TRIM67: variants seen among roughly 807,000 people sequenced by gnomAD.
TRIM67 encodes tripartite motif containing 67.
TRIM67 carries 39 observed loss-of-function variants against 71.0 expected under a neutral mutation model. The observed-to-expected ratio is 0.55, with a 90% confidence interval of 0.43 to 0.72. The LOEUF (loss-of-function observed/expected upper bound fraction) is 0.72. Among genes scored for constraint, TRIM67 ranks in the 30% least tolerant of loss-of-function variants. The pLI, the probability that TRIM67 is intolerant of heterozygous loss-of-function variation, is 0.00. For synonymous variants in TRIM67, 481 were observed against 473.9 expected (o/e 1.01, Z -0.19); for missense variants, 973 against 1,079.2 (o/e 0.90, Z 1.38).
intron 1 of TRIM67, among the ~76,000 whole-genome samples, chr1:231,168,010 G>A (rs1482657586): frequency 1.3e-5 from 2 of 151,722 alleles, no homozygotes; most frequent in Admixed American, 6.6e-5. Flanking sequence ...TGCCCAGACT[G>A]GAGTGCAGTG....
intron 1 of TRIM67, among the ~76,000 whole-genome samples, chr1:231,166,739 T>C (rs569875818): frequency 6.6e-6 from 1 of 152,348 alleles, no homozygotes; most frequent in Non-Finnish European, 1.5e-5. Flanking sequence ...GAGACATATA[T>C]GTGACACTGA....
At chr1:231,169,175 T>G in intron 1 of TRIM67, among the ~76,000 whole-genome samples, 1 of 152,046 alleles carries the variant, frequency 6.6e-6, no homozygotes, top group East Asian at 1.9e-4. Context: ...TGCCTCAGCC[T>G]CCCGAGTAGC....
chr1:231,188,066 A>G (rs1050534011), intron 1 of TRIM67, among the ~76,000 whole-genome samples: 8 of 152,074 alleles, frequency 5.3e-5, no homozygotes, highest in African/African-American at 1.5e-4. Context: ...TCTTTGTGAG[A>G]GCGTGATCTA....
intron 9 of TRIM67, 25 bp downstream of exon 9, chr1:231,214,002 C>G (rs1683942018): frequency 2.5e-6 from 4 of 1,582,082 alleles, no homozygotes; most frequent in Non-Finnish European, 3.4e-6. Context: ...AGGGCCGGAC[C>G]TGGTCTGGCT....
chr1:231,215,702 A>G lies in TRIM67; in HGVS notation c.*262A>G. The G allele has an allele frequency of 8.1e-7, 1 of 1,232,554 alleles. No homozygotes were observed. The allele number at this position is 1,232,554 out of a possible 1,614,324, so 76.4% of individuals were successfully genotyped here. ...CACCCAGACATTACGAACACTCCCC[A>G]AGAAGGACCTTTCTCAAGGGAGTCA... On this transcript the variant is annotated 3_prime_UTR_variant, in exon 10 of 10. Transcript: ENST00000366653.
chr1:231,203,853 T>A lies in TRIM67; in HGVS notation c.1535-14T>A, dbSNP rs1683619401. 6.2e-7 allele frequency: 1 copy of A among 1,610,956 alleles called. No homozygotes were observed. Among genetic ancestry groups the A allele is most frequent in the Non-Finnish European group, 8.5e-7 (1 of 1,178,824 alleles). ...AGGGCTTCCTGCGCTAACTCATGTG[T>A]GTCCCCCTCGCAGTGCCACCCGTCC... On this transcript the variant is annotated splice_polypyrimidine_tract_variant and intron_variant, in intron 5 of 9. Transcript: ENST00000366653.
In TRIM67 at chr1:231,185,598, G is replaced by A. The variant is rs373244155; in HGVS notation, c.1045-11773G>A. On this transcript the variant is annotated intron_variant, in intron 1 of 9. Coordinates refer to ENST00000366653, the MANE Select transcript of TRIM67 (RefSeq NM_001004342.5). ...CCTTTGCCTAGGGGAGCCCAGACGC[G>A]TCCTGCCCTTTTGCAGCTCCCCAGA... is the stretch of plus-strand genomic sequence containing the variant. Among the ~76,000 whole-genome samples, 27 of 151,834 alleles carry A rather than the reference G, an allele frequency of 1.8e-4. 2 individuals are homozygous for A. The highest frequency in any genetic ancestry group is 5.1e-4 in the African/African-American group (21 of 41,128).
At chr1:231,202,039 T>TAGCGGAGAA (rs1683539727) in intron 5 of TRIM67, among the ~76,000 whole-genome samples, 5 of 48,564 alleles carry the variant, frequency 1.0e-4, no homozygotes, top group Non-Finnish European at 1.3e-4. Flanking sequence ...GAGGAGGAGG[T>TAGCGGAGAA]GGAGGAGGTA....
chr1:231,193,466 TAAAAAA>T (rs1052913230), intron 1 of TRIM67, among the ~76,000 whole-genome samples: 2 of 120,642 alleles, frequency 1.7e-5, no homozygotes, highest in African/African-American at 3.0e-5. Context: ...TTAATTCCCT[TAAAAAA>T]AAAGAAAGAG....
intron 1 of TRIM67, among the ~76,000 whole-genome samples, chr1:231,194,305 G>T (rs1683310536): frequency 6.6e-6 from 1 of 152,240 alleles, no homozygotes; most frequent in African/African-American, 2.4e-5. Context: ...GCCTGTGAAT[G>T]ATGCTGACCC....
chr1:231,185,082 A>C (rs891416949), intron 1 of TRIM67: 2 of 1,532,940 alleles, frequency 1.3e-6, no homozygotes. Context: ...TCCAGAGAGC[A>C]GGGCACTTCG....
chr1:231,189,827 G>A (rs146355763), intron 1 of TRIM67, among the ~76,000 whole-genome samples: 5 of 152,222 alleles, frequency 3.3e-5, no homozygotes, highest in African/African-American at 9.6e-5. Flanking sequence ...GAATCTGGGG[G>A]AGATGCAAGC....
intron 5 of TRIM67, among the ~76,000 whole-genome samples, chr1:231,202,035 G>T (rs1683539321): frequency 2.0e-5 from 3 of 152,368 alleles, no homozygotes; most frequent in African/African-American, 7.2e-5. Flanking sequence ...AGAGGAGGAG[G>T]AGGTGGAGGA....
In TRIM67 at chr1:231,220,021, C is replaced by T; in HGVS notation, c.*4581C>T. The stretch of plus-strand genomic sequence containing the variant: ...CTTATCCTTTCTGTGCCTCAGTATC[C>T]CCACCTGAAATGAGACTAGTCATAC... On this transcript the variant is annotated 3_prime_UTR_variant, in exon 10 of 10. Transcript: ENST00000366653. 1 of 1,187,544 alleles carries T rather than the reference C, an allele frequency of 8.4e-7. No homozygotes were observed. The highest frequency in any genetic ancestry group is 1.1e-6 in the Non-Finnish European group (1 of 895,544). 73.6% of individuals were successfully genotyped at this position (1,187,544 alleles called of 1,614,324 possible). A position where few individuals can be genotyped will look rare whatever the true frequency, so the allele number is the denominator to read the frequency against.
intron 1 of TRIM67, among the ~76,000 whole-genome samples, chr1:231,177,847 C>CAG (rs1682796044): frequency 1.3e-5 from 2 of 152,202 alleles, no homozygotes; most frequent in Non-Finnish European, 2.9e-5. Context: ...CAGTACCCAT[C>CAG]AGAGCATCTG....
At chr1:231,186,130 G>A (rs755690769) in intron 1 of TRIM67, 3 of 1,533,084 alleles carry the variant, frequency 2.0e-6, no homozygotes, top group South Asian at 1.2e-5. Context: ...ATCGGTGAAT[G>A]GATGAAGGGC....
intron 7 of TRIM67, among the ~76,000 whole-genome samples, chr1:231,208,318 C>T (rs891051817): frequency 1.3e-5 from 2 of 152,040 alleles, no homozygotes; most frequent in Non-Finnish European, 2.9e-5. Context: ...GGACTACAGG[C>T]ACCTGCCACC....
rs752337296 is a variant in TRIM67 at position 231,163,386 on chromosome 1, T to G, written c.417T>G (p.Ala139=). The G allele has an allele frequency of 1.6e-5, 24 of 1,536,156 alleles. No homozygotes were observed. The Admixed American group carries it at 4.6e-4, about 29-fold the overall frequency. Residue 139 remains alanine, a synonymous_variant, in exon 1 of 10, where the codon GCT becomes GCG. Transcript: ENST00000366653. ...TGCCCGCACCACCCGGCTCCTCGGCTGCGGCGGCTCGGGGTGCCGCCTGCT... is the reference window on the plus strand; with the variant it reads ...TGCCCGCACCACCCGGCTCCTCGGCGGCGGCGGCTCGGGGTGCCGCCTGCT... ...PMVPAPPGSS[A]AAARGAACSS...
At position 231,218,566 on chromosome 1, in the gene TRIM67, G is replaced by T. The variant is rs983142471; in HGVS notation, c.*3126G>T. ...CAGCTCCTAATTCAAAGCAGGGGAA[G>T]GTATTTCCCCAAAGCCTGCTTTTCC... On this transcript the variant is annotated 3_prime_UTR_variant, in exon 10 of 10. Coordinates refer to ENST00000366653, the MANE Select transcript of TRIM67 (RefSeq NM_001004342.5). 3 of 985,276 alleles carry T rather than the reference G, an allele frequency of 3.0e-6. No homozygotes were observed. The highest frequency in any genetic ancestry group is 3.5e-5 in the African/African-American group (2 of 57,224). 61.0% of individuals were successfully genotyped at this position (985,276 alleles called of 1,614,324 possible).
Sources: allele counts gnomAD v4.1 joint callset (sites outside exome capture counted in the v4.1 genomes callset), GRCh38; gene constraint gnomAD v4.1.1; transcripts MANE v1.5; gene names NCBI Gene and HGNC (gene_info 2026-07-23, HGNC 2026-07-21).